KYAT1: variants seen among roughly 807,000 people sequenced by gnomAD.
KYAT1 encodes kynurenine aminotransferase 1, also known as kynurenine--oxoglutarate transaminase 1.
Under a neutral mutation model 52.4 loss-of-function variants are expected in KYAT1, and 47 were observed. That is an observed-to-expected ratio of 0.90 (90% CI 0.71 to 1.14). The LOEUF is 1.14. Among genes scored for constraint, KYAT1 ranks in the 50% most tolerant of loss-of-function variants. The pLI is 0.00. For synonymous variants in KYAT1, 212 were observed against 209.6 expected (o/e 1.01, Z -0.10); for missense variants, 480 against 557.9 (o/e 0.86, Z 1.41).
chr9:128,835,432 T>G (rs546763740), intron 10 of KYAT1, 30 bp from the exon 11 acceptor site: 1 of 1,613,742 alleles, frequency 6.2e-7, no homozygotes, highest in African/African-American at 1.3e-5. Flanking sequence ...CTGAGCCCCC[T>G]GCAGCCTCCA....
chr9:128,882,418 C>G (rs1246910096), upstream of KYAT1: 2 of 306,114 alleles, frequency 6.5e-6, no homozygotes, highest in Non-Finnish European at 6.0e-6. Flanking sequence ...TCTGGGCTCC[C>G]CAGTGCCCGG....
intron 1 of KYAT1, among the ~76,000 whole-genome samples, chr9:128,867,795 C>T (rs1399936956): frequency 2.6e-5 from 4 of 152,232 alleles, no homozygotes; most frequent in Non-Finnish European, 4.4e-5. Flanking sequence ...TTGTTTGAGA[C>T]GGAGTCTCGC....
chr9:128,872,094 C>T (rs1312673987), intron 1 of KYAT1, among the ~76,000 whole-genome samples: 3 of 137,110 alleles, frequency 2.2e-5, no homozygotes, highest in Non-Finnish European at 3.0e-5. Context: ...TGCCACTGCA[C>T]GGCAGCCTGG....
intron 1 of KYAT1, among the ~76,000 whole-genome samples, chr9:128,877,263 TC>T (rs1838176951): frequency 1.3e-5 from 2 of 152,034 alleles, no homozygotes; most frequent in African/African-American, 4.8e-5. Context: ...TGGCATACCC[TC>T]CAATCCAAAA....
chr9:128,836,191 C>T lies in KYAT1; in HGVS notation c.689-118G>A, dbSNP rs76622140. ...TTGACACCCTGGATTCCTCTACATA[C>T]TAAGTTATTTGCACAATTTTTTTTC... is the stretch of plus-strand genomic sequence containing the variant. On this transcript the variant is annotated intron_variant, in intron 7 of 12. Coordinates refer to ENST00000302586, the MANE Select transcript of KYAT1 (RefSeq NM_004059.5). The T allele has an allele frequency of 9.3e-3, 6,857 of 738,828 alleles. 250 individuals are homozygous for T. In the East Asian group the frequency reaches 0.096, roughly 10 times the overall value. 45.8% of individuals were successfully genotyped at this position (738,828 alleles called of 1,614,324 possible).
intron 9 of KYAT1, 54 bp downstream of exon 9, chr9:128,835,725 C>G: frequency 6.2e-7 from 1 of 1,604,528 alleles, no homozygotes; most frequent in Non-Finnish European, 8.5e-7. Flanking sequence ...CGGGGGCCAG[C>G]CTGGGCTCTT....
In KYAT1 at chr9:128,838,212, A is replaced by G. The variant is rs780940486; in HGVS notation, c.351+6T>C. On this transcript the variant is annotated splice_donor_region_variant and intron_variant, in intron 4 of 12. Coordinates refer to ENST00000302586, the MANE Select transcript of KYAT1 (RefSeq NM_004059.5). The stretch of plus-strand genomic sequence containing the variant: ...GTCCCACTCAGCCCAAGTCTTGCCC[A>G]CTCACCTCGTCTCCTTCGTCCACCA... 1.2e-6 allele frequency: 2 copies of G among 1,614,082 alleles called. No homozygotes were observed. The highest frequency in any genetic ancestry group is 2.2e-5 in the South Asian group (2 of 91,086).
chr9:128,851,409 T>C (rs1833941721), intron 1 of KYAT1, among the ~76,000 whole-genome samples: 1 of 152,154 alleles, frequency 6.6e-6, no homozygotes, highest in Non-Finnish European at 1.5e-5. Flanking sequence ...TAAATATGCC[T>C]CTTATCTCAG....
Position 128,838,223 on chromosome 9 carries a change from C to A in KYAT1, c.346G>T (p.Asp116Tyr), listed in dbSNP as rs539317116. 2 of 1,614,266 alleles carry A rather than the reference C, an allele frequency of 1.2e-6. No homozygotes were observed. The highest frequency in any genetic ancestry group is 1.3e-5 in the African/African-American group (1 of 75,074). Residue 116 changes from aspartate (D) to tyrosine (Y), a missense_variant, in exon 4 of 13, where the codon GAC (aspartate) becomes TAC (tyrosine). Physicochemically the swap from Asp to Tyr is radical, Grantham distance 160. Coordinates refer to ENST00000302586, the MANE Select transcript of KYAT1 (RefSeq NM_004059.5). ...TAFQALVDEGDEVIIIEPFFD... is the reference protein window; with the variant it reads ...TAFQALVDEGYEVIIIEPFFD... ...CCCAAGTCTTGCCCACTCACCTCGT[C>A]TCCTTCGTCCACCAGGGCCTGGAAG...
intron 1 of KYAT1, among the ~76,000 whole-genome samples, chr9:128,849,397 C>A (rs1278054826): frequency 1.0e-5 from 1 of 95,664 alleles, no homozygotes. Flanking sequence ...GGTGACAGAG[C>A]AAGTCACCGG....
rs756334519 is a variant in KYAT1, at chr9:128,842,776, C to T, written c.79G>A (p.Glu27Lys). The change falls in exon 3 of 13, where the codon GAG (glutamate) becomes AAG (lysine). Residue 27 changes from glutamate to lysine, a missense_variant. By Grantham distance (56) the Glu-to-Lys change is moderately conservative (BLOSUM62 1). Transcript: ENST00000302586. ...TGGCCCAAGTTCACGACGTCATGCT[C>T]ACTGGCCAGTTTCACAAACTCCACC... ...PWVEFVKLAS[E>K]HDVVNLGQGF... 1.2e-6 allele frequency: 2 copies of T among 1,613,886 alleles called. No homozygotes were observed. The highest frequency in any genetic ancestry group is 1.7e-5 in the Admixed American group (1 of 59,994).
intron 1 of KYAT1, among the ~76,000 whole-genome samples, chr9:128,875,234 A>AT (rs1269653210): frequency 7.8e-6 from 1 of 128,356 alleles, no homozygotes; most frequent in Admixed American, 7.6e-5. Context: ...TTTATGTTCA[A>AT]TTTGTTTTTT....
rs10115802 is a variant in KYAT1, at chr9:128,839,593, C to T, written c.202-1226G>A. ...TGAGCCGAGATCGCGCCACTGCACTCCAGCCTGGGCGACAGAGCGAGACTC... is the reference window on the plus strand; with the variant it reads ...TGAGCCGAGATCGCGCCACTGCACTTCAGCCTGGGCGACAGAGCGAGACTC... On this transcript the variant is annotated intron_variant, in intron 3 of 12. Coordinates refer to ENST00000302586, the MANE Select transcript of KYAT1 (RefSeq NM_004059.5). Among the ~76,000 whole-genome samples, 343 of 152,118 alleles carry T rather than the reference C, an allele frequency of 2.3e-3. 1 individual carries two copies. Among genetic ancestry groups the T allele is most frequent in the African/African-American group, 8.0e-3 (333 of 41,522 alleles).
Position 128,838,393 on chromosome 9 carries a change from T to C in KYAT1, c.202-26A>G, listed in dbSNP as rs1213155242. The C allele has an allele frequency of 3.1e-6, 5 of 1,613,562 alleles. No homozygotes were observed. The African/African-American group carries it at 5.3e-5, about 17-fold the overall frequency. ...CTGCCAGGACAGCAGGGGTTAACTG[T>C]CCAGCTCAGCCTGGGCCCATCCTCC... On this transcript the variant is annotated intron_variant, in intron 3 of 12. Coordinates refer to ENST00000302586, the MANE Select transcript of KYAT1 (RefSeq NM_004059.5).
rs565110106 is a variant in KYAT1, at chr9:128,871,259, A to C, written c.-7+10638T>G. ...CTTGAGCCCAGAAGGTTGAGGCTGC[A>C]GTGAGCCAAGATTGTGCCACTGTAC... On this transcript the variant is annotated intron_variant, in intron 1 of 12. Coordinates refer to ENST00000302586, the MANE Select transcript of KYAT1 (RefSeq NM_004059.5). Among the ~76,000 whole-genome samples, 6 of 152,318 alleles carry C rather than the reference A, an allele frequency of 3.9e-5. No homozygotes were observed. The South Asian group carries it at 1.2e-3, about 32-fold the overall frequency.
intron 1 of KYAT1, among the ~76,000 whole-genome samples, chr9:128,879,233 C>A (rs546949766): frequency 1.0e-3 from 154 of 152,182 alleles, no homozygotes; most frequent in African/African-American, 3.3e-3. Flanking sequence ...TGGAGTGAAC[C>A]CGGGAGGTGG....
At chr9:128,874,477 A>ATT (rs201177365) in intron 1 of KYAT1, among the ~76,000 whole-genome samples, 1 of 139,782 alleles carries the variant, frequency 7.2e-6, no homozygotes, top group African/African-American at 2.6e-5. Flanking sequence ...ATGCTCAGCT[A>ATT]TTTTTTTTTT....
chr9:128,877,545 C>T (rs954088792), intron 1 of KYAT1, among the ~76,000 whole-genome samples: 2 of 152,194 alleles, frequency 1.3e-5, no homozygotes, highest in Non-Finnish European at 2.9e-5. Context: ...AATTCTGTCC[C>T]GTGAAATCTC....
At chr9:128,834,872 C>T (rs1035157048) in intron 11 of KYAT1, among the ~76,000 whole-genome samples, 6 of 145,158 alleles carry the variant, frequency 4.1e-5, no homozygotes, top group African/African-American at 7.8e-5. Flanking sequence ...AGCAGTGGCT[C>T]ACGCCTGTAA....
Sources: allele counts gnomAD v4.1 joint callset (sites outside exome capture counted in the v4.1 genomes callset), GRCh38; gene constraint gnomAD v4.1.1; transcripts MANE v1.5; gene names NCBI Gene and HGNC (gene_info 2026-07-23, HGNC 2026-07-21).